Variants in PKN2 observed in about 807,000 individuals in gnomAD.
The protein encoded by PKN2 is protein kinase N2.
In PKN2, 38 loss-of-function variants were observed where a neutral mutation model predicts 119.1. The observed-to-expected ratio is 0.32, with a 90% CI of 0.25 to 0.42. The LOEUF (loss-of-function observed/expected upper bound fraction) is 0.42, where lower values mean the gene tolerates loss of function less well. PKN2 is among the 10% of genes least tolerant of loss of function. The pLI is 1.00. For missense variants in PKN2, 850 were observed against 1,165.1 expected (o/e 0.73, Z 3.94); for synonymous variants, 390 against 384.9 (o/e 1.01, Z -0.15).
chr1:88,770,956 T>C (rs1266786044), intron 4 of PKN2, among the ~76,000 whole-genome samples: 1 of 151,784 alleles, frequency 6.6e-6, no homozygotes, highest in Non-Finnish European at 1.5e-5. Context: ...TTGGCCCTTA[T>C]GTTTCAAGAA....
rs55863627 is a variant in PKN2, at chr1:88,817,708, C to CAA, written c.2279+3988_2279+3989dup. Among the ~76,000 whole-genome samples the CAA allele has an allele frequency of 6.8e-5, 9 of 133,014 alleles. No individual in the cohort carries two copies. In the South Asian group the frequency reaches 1.2e-3, roughly 17 times the overall value. 87.3% of individuals were successfully genotyped at this position (133,014 alleles called of 152,430 possible). ...TGGGCGACAAAGCGAGACTCCGTCT[C>CAA]AAAAAAAAAAAAAAGAAAAGAAAAG... is the stretch of plus-strand genomic sequence containing the variant. On this transcript the variant is annotated intron_variant, in intron 16 of 21. Transcript: ENST00000370521.
intron 6 of PKN2, among the ~76,000 whole-genome samples, chr1:88,776,397 G>A (rs59688329): frequency 6.6e-6 from 1 of 150,724 alleles, no homozygotes; most frequent in Non-Finnish European, 1.5e-5. Flanking sequence ...TGATAGTTTG[G>A]TATATATATA....
intron 4 of PKN2, among the ~76,000 whole-genome samples, chr1:88,771,139 G>T (rs904444856): frequency 6.6e-6 from 1 of 151,782 alleles, no homozygotes; most frequent in Non-Finnish European, 1.5e-5. Flanking sequence ...AAAGCTAGTT[G>T]CTAAGAGTAG....
At chr1:88,756,478 A>G (rs115960336) in intron 2 of PKN2, among the ~76,000 whole-genome samples, 290 of 152,316 alleles carry the variant, frequency 1.9e-3, no homozygotes, top group African/African-American at 6.7e-3. Context: ...ATGTTTAGAC[A>G]GGAATCATTT....
intron 1 of PKN2, among the ~76,000 whole-genome samples, chr1:88,694,060 T>G (rs1666431248): frequency 6.6e-6 from 1 of 152,196 alleles, no homozygotes; most frequent in African/African-American, 2.4e-5. Flanking sequence ...TCCCTACATA[T>G]GTACATATGC....
intron 1 of PKN2, among the ~76,000 whole-genome samples, chr1:88,701,725 C>T (rs1666776289): frequency 6.6e-6 from 1 of 152,060 alleles, no homozygotes. Context: ...TTATTGTTTT[C>T]AATAAATCCG....
intron 1 of PKN2, among the ~76,000 whole-genome samples, chr1:88,687,223 T>A (rs1328146342): frequency 6.6e-6 from 1 of 152,138 alleles, no homozygotes; most frequent in Non-Finnish European, 1.5e-5. Context: ...CATGGAGTAA[T>A]GTTTTTAAGT....
chr1:88,794,775 G>A (rs574210803), intron 8 of PKN2, among the ~76,000 whole-genome samples: 3 of 151,820 alleles, frequency 2.0e-5, no homozygotes, highest in African/African-American at 7.2e-5. Flanking sequence ...CATGCTATCA[G>A]CCCCTTCCAA....
At chr1:88,780,821 T>C (rs1670307598) in intron 6 of PKN2, among the ~76,000 whole-genome samples, 1 of 151,558 alleles carries the variant, frequency 6.6e-6, no homozygotes, top group Admixed American at 6.6e-5. Flanking sequence ...AAAATAAGGT[T>C]GTCAAATATT....
In PKN2 at chr1:88,807,451, A is replaced by G. The variant is rs374926536; in HGVS notation, c.1934+8A>G. 1.9e-5 allele frequency: 30 copies of G among 1,608,058 alleles called. No homozygotes were observed. In the African/African-American group the frequency reaches 3.2e-4, roughly 17 times the overall value. Reference sequence around the variant, plus strand: ...AGAACTTGAGGACAGAAGGTAAAGAATATATACCAAATTTTGCGACTACAT... The same window carrying G: ...AGAACTTGAGGACAGAAGGTAAAGAGTATATACCAAATTTTGCGACTACAT... On this transcript the variant is annotated splice_region_variant and intron_variant, in intron 13 of 21. Transcript: ENST00000370521.
intron 19 of PKN2, among the ~76,000 whole-genome samples, chr1:88,830,298 C>G (rs1370081426): frequency 6.6e-6 from 1 of 152,074 alleles, no homozygotes; most frequent in African/African-American, 2.4e-5. Context: ...GAATTTTTCA[C>G]CTCTATTTAG....
intron 1 of PKN2, among the ~76,000 whole-genome samples, chr1:88,702,897 A>T (rs1475489948): frequency 6.6e-6 from 1 of 152,140 alleles, no homozygotes; most frequent in Non-Finnish European, 1.5e-5. Flanking sequence ...AAATTTCTTT[A>T]TTGTTGTGGT....
chr1:88,774,501 G>T (rs914839368), intron 6 of PKN2, among the ~76,000 whole-genome samples: 1 of 152,120 alleles, frequency 6.6e-6, no homozygotes, highest in Non-Finnish European at 1.5e-5. Flanking sequence ...AATAACAAAG[G>T]CACGCCTATC....
intron 8 of PKN2, among the ~76,000 whole-genome samples, chr1:88,797,673 C>G (rs1671144950): frequency 6.6e-6 from 1 of 151,790 alleles, no homozygotes; most frequent in Non-Finnish European, 1.5e-5. Flanking sequence ...GTCTTCCTTA[C>G]CTACTCTCAT....
chr1:88,768,841 A>G (rs1300547779), intron 3 of PKN2, among the ~76,000 whole-genome samples: 1 of 152,200 alleles, frequency 6.6e-6, no homozygotes, highest in Non-Finnish European at 1.5e-5. Flanking sequence ...AGTACTGCAG[A>G]CTGTACAAGA....
intron 1 of PKN2, among the ~76,000 whole-genome samples, chr1:88,712,836 T>C (rs1667288683): frequency 6.6e-6 from 1 of 152,202 alleles, no homozygotes; most frequent in Admixed American, 6.5e-5. Flanking sequence ...GCAGGTTTGT[T>C]ACATATGTAT....
chr1:88,821,959 A>T lies in PKN2; in HGVS notation c.2298A>T (p.Val766=). ...CAAACAGATTTTATGCTGCTTGTGT[A>T]GTTCTTGGGTTGCAGTATTTACATG... is the stretch of plus-strand genomic sequence containing the variant. ...EPRAVFYAAC[V]VLGLQYLHEH... Residue 766 remains valine (V), a synonymous_variant, in exon 17 of 22, where the codon GTA becomes GTT. Coordinates refer to ENST00000370521, the MANE Select transcript of PKN2 (RefSeq NM_006256.4). The T allele has an allele frequency of 6.3e-7, 1 of 1,579,074 alleles. No individual in the cohort carries two copies. Among genetic ancestry groups the T allele is most frequent in the Non-Finnish European group, 8.6e-7 (1 of 1,167,508 alleles).
chr1:88,818,759 C>T (rs777343984), intron 16 of PKN2, among the ~76,000 whole-genome samples: 3 of 152,198 alleles, frequency 2.0e-5, no homozygotes, highest in Non-Finnish European at 4.4e-5. Flanking sequence ...GGAGGCATCA[C>T]GCTACCTGAT....
Position 88,805,995 on chromosome 1 carries a change from G to C in PKN2, c.1781G>C (p.Arg594Thr), listed in dbSNP as rs1248004938. 1 of 1,613,572 alleles carries C rather than the reference G, an allele frequency of 6.2e-7. No homozygotes were observed. The highest frequency in any genetic ancestry group is 8.5e-7 in the Non-Finnish European group (1 of 1,179,502). Residue 594 changes from arginine (R) to threonine (T), a missense_variant, in exon 12 of 22, where the codon AGA (arginine) becomes ACA (threonine). Transcript: ENST00000370521. Reference protein sequence around the residue: ...LGEIDESSELRVLDIPGQDSE... With the variant: ...LGEIDESSELTVLDIPGQDSE... ...GAAATAGATGAATCTTCTGAATTAA[G>C]AGTTTTGGATATACCAGGACAGGCA... is the stretch of plus-strand genomic sequence containing the variant.
Sources: gnomAD v4.1 joint callset for allele counts (sites outside exome capture counted in the v4.1 genomes callset) on GRCh38, gnomAD v4.1.1 for gene constraint, MANE v1.5 for transcripts, NCBI Gene and HGNC (gene_info 2026-07-23, HGNC 2026-07-21) for gene names.